Variants in KLHL1 observed in about 807,000 individuals in gnomAD.
The protein encoded by KLHL1 is kelch like family member 1.
In KLHL1, 47 loss-of-function variants were observed where a neutral mutation model predicts 77.7. That is an observed-to-expected ratio of 0.60 (90% CI 0.48 to 0.77). The LOEUF (loss-of-function observed/expected upper bound fraction) is 0.77. Among genes scored for constraint, KLHL1 ranks in the 30% least tolerant of loss-of-function variants. KLHL1 has a pLI of 0.00. For missense variants in KLHL1, 925 were observed against 910.8 expected, an observed-to-expected ratio of 1.02 and a Z score of -0.20; for synonymous variants, 360 against 325.2, an observed-to-expected ratio of 1.11 and a Z score of -1.15.
At chr13:69,860,848 C>T (rs1466872766) in intron 5 of KLHL1, among the ~76,000 whole-genome samples, 1 of 150,458 alleles carries the variant, frequency 6.6e-6, no homozygotes, top group African/African-American at 2.5e-5. Flanking sequence ...TTTAGAATTA[C>T]ATATTTAAAA....
At chr13:69,878,709 T>TAGAGAGAG (rs1384027546) in intron 5 of KLHL1, among the ~76,000 whole-genome samples, 6 of 149,668 alleles carry the variant, frequency 4.0e-5, no homozygotes, top group Non-Finnish European at 8.9e-5. Flanking sequence ...TATATATATA[T>TAGAGAGAG]ATAGAGAGAG....
At chr13:69,967,650 G>A (rs1385538876) in intron 2 of KLHL1, among the ~76,000 whole-genome samples, 1 of 152,116 alleles carries the variant, frequency 6.6e-6, no homozygotes, top group East Asian at 1.9e-4. Flanking sequence ...CTTTTTGGGA[G>A]GTGGCTGGTG....
At chr13:69,988,148 T>C (rs1884927049) in intron 1 of KLHL1, among the ~76,000 whole-genome samples, 1 of 151,956 alleles carries the variant, frequency 6.6e-6, no homozygotes, top group South Asian at 2.1e-4. Context: ...CCAGTGTCTG[T>C]TGTTCTGTTT....
intron 7 of KLHL1, among the ~76,000 whole-genome samples, chr13:69,777,715 C>CTAAT (rs1338692587): frequency 4.6e-5 from 7 of 152,096 alleles, no homozygotes; most frequent in Middle Eastern, 3.4e-3. Context: ...GAAATCATTC[C>CTAAT]TAATTAATTA....
chr13:69,812,526 A>T (rs1239666622), intron 6 of KLHL1, among the ~76,000 whole-genome samples: 1 of 152,196 alleles, frequency 6.6e-6, no homozygotes, highest in African/African-American at 2.4e-5. Context: ...CTACCATCAG[A>T]GTGAACAGCA....
chr13:70,009,581 T>C (rs1180095998), intron 1 of KLHL1, among the ~76,000 whole-genome samples: 7 of 152,126 alleles, frequency 4.6e-5, no homozygotes, highest in Admixed American at 3.9e-4. Context: ...TCTTTGTTAT[T>C]GGGTAGTGAG....
At position 70,087,015 on chromosome 13, in the gene KLHL1, T is replaced by A. The variant is rs1887560553; in HGVS notation, c.497+20188A>T. On this transcript the variant is annotated intron_variant, in intron 1 of 10. Transcript: ENST00000377844. ...GAAAGATAATCATGATTTGTGTGAATCATGGACTGATATGTGGCAAGACTA... is the reference window on the plus strand; with the variant it reads ...GAAAGATAATCATGATTTGTGTGAAACATGGACTGATATGTGGCAAGACTA... Among the ~76,000 whole-genome samples, 4 of 152,120 alleles carry A rather than the reference T, an allele frequency of 2.6e-5. No individual in the cohort carries two copies. In the South Asian group the frequency reaches 8.3e-4, roughly 31 times the overall value.
intron 7 of KLHL1, among the ~76,000 whole-genome samples, chr13:69,764,335 C>A (rs966411805): frequency 2.6e-5 from 4 of 152,098 alleles, no homozygotes; most frequent in African/African-American, 9.7e-5. Flanking sequence ...TTTCCTTTTT[C>A]TTTCCATAAA....
chr13:69,951,361 T>C (rs753071929), intron 3 of KLHL1, among the ~76,000 whole-genome samples: 1 of 151,420 alleles, frequency 6.6e-6, no homozygotes, highest in Admixed American at 6.6e-5. Flanking sequence ...AGAAGGGAGA[T>C]AGAAAGTGGT....
intron 5 of KLHL1, among the ~76,000 whole-genome samples, chr13:69,852,798 G>A (rs1018142679): frequency 6.6e-6 from 1 of 151,956 alleles, no homozygotes; most frequent in African/African-American, 2.4e-5. Flanking sequence ...CATATACTTT[G>A]TAGAGTTTCT....
chr13:69,869,904 T>C (rs1880515374), intron 5 of KLHL1, among the ~76,000 whole-genome samples: 1 of 152,198 alleles, frequency 6.6e-6, no homozygotes, highest in Non-Finnish European at 1.5e-5. Flanking sequence ...TAATGATTAT[T>C]ACAAAAAATA....
At chr13:69,913,782 T>C (rs897761234) in intron 4 of KLHL1, among the ~76,000 whole-genome samples, 8 of 152,318 alleles carry the variant, frequency 5.3e-5, no homozygotes, top group Middle Eastern at 3.4e-3. Flanking sequence ...TGGCTACACA[T>C]ACAAATTCAC....
intron 1 of KLHL1, among the ~76,000 whole-genome samples, chr13:70,043,450 C>T (rs752110173): frequency 6.6e-6 from 1 of 151,960 alleles, no homozygotes; most frequent in Non-Finnish European, 1.5e-5. Context: ...AAACATACAG[C>T]GTTTATACAG....
intron 6 of KLHL1, among the ~76,000 whole-genome samples, chr13:69,803,917 G>C (rs1280046304): frequency 1.3e-5 from 2 of 152,148 alleles, no homozygotes; most frequent in South Asian, 2.1e-4. Flanking sequence ...ATATAGCCTA[G>C]CTAACACCTT....
chr13:69,751,566 C>T (rs899707035), intron 7 of KLHL1, among the ~76,000 whole-genome samples: 1 of 151,956 alleles, frequency 6.6e-6, no homozygotes, highest in Non-Finnish European at 1.5e-5. Context: ...TTCTGAGGAA[C>T]TGAAAGAAGG....
intron 5 of KLHL1, among the ~76,000 whole-genome samples, chr13:69,841,702 A>C (rs12875306): frequency 6.6e-6 from 1 of 151,866 alleles, no homozygotes; most frequent in Non-Finnish European, 1.5e-5. Context: ...AATTGGATAA[A>C]CAATTCTAAA....
At chr13:69,900,082 T>C (rs1466779706) in intron 4 of KLHL1, among the ~76,000 whole-genome samples, 1 of 152,154 alleles carries the variant, frequency 6.6e-6, no homozygotes, top group Non-Finnish European at 1.5e-5. Context: ...TAGGTCTCCT[T>C]CAACCTTGGA....
chr13:70,057,861 C>CA (rs997706653), intron 1 of KLHL1, among the ~76,000 whole-genome samples: 1 of 148,544 alleles, frequency 6.7e-6, no homozygotes, highest in African/African-American at 2.5e-5. Flanking sequence ...AATATTGATG[C>CA]AAAAATCCTC....
chr13:69,972,938 G>A (rs1415927365), intron 2 of KLHL1, among the ~76,000 whole-genome samples: 1 of 151,806 alleles, frequency 6.6e-6, no homozygotes, highest in Non-Finnish European at 1.5e-5. Context: ...AATTTTTGAT[G>A]TTTGAAATTC....
Sources: allele counts gnomAD v4.1 joint callset (sites outside exome capture counted in the v4.1 genomes callset), GRCh38; gene constraint gnomAD v4.1.1; transcripts MANE v1.5; gene names NCBI Gene and HGNC (gene_info 2026-07-23, HGNC 2026-07-21).